The following ZMAT3 variants were observed in gnomAD, a reference collection of about 807,000 sequenced individuals.
The protein encoded by ZMAT3 is zinc finger matrin-type 3, also known as zinc finger matrin-type protein 3.
In ZMAT3, 17 loss-of-function variants were observed where a neutral mutation model predicts 32.3. The ratio of observed to expected loss-of-function variants is 0.53; its 90% CI spans 0.36 to 0.79. The LOEUF is 0.79. Ranked by LOEUF, ZMAT3 falls within the 30% of genes least tolerant of loss-of-function variation. The probability of loss-of-function intolerance (pLI) is 0.00; values close to 1 mark genes in which losing one functional copy is unlikely to be tolerated. For missense variants in ZMAT3, 329 were observed against 359.7 expected (o/e 0.91, Z 0.69); for synonymous variants, 120 against 133.1 (o/e 0.90, Z 0.68).
At chr3:179,052,542 T>C (rs532766208) in intron 2 of ZMAT3, among the ~76,000 whole-genome samples, 2 of 152,332 alleles carry the variant, frequency 1.3e-5, no homozygotes, top group East Asian at 1.9e-4. Context: ...TTTACACTAT[T>C]GTTAGGAATG....
chr3:179,032,291 C>A (rs1202944588), intron 2 of ZMAT3, among the ~76,000 whole-genome samples: 1 of 151,908 alleles, frequency 6.6e-6, no homozygotes, highest in Non-Finnish European at 1.5e-5. Flanking sequence ...GACAGAGTCT[C>A]GCTCACTCAG....
chr3:179,049,990 T>TAAA (rs1720458511), intron 2 of ZMAT3, among the ~76,000 whole-genome samples: 1 of 6,086 alleles, frequency 1.6e-4, no homozygotes, highest in Non-Finnish European at 3.0e-4. Flanking sequence ...AGACTCCGTC[T>TAAA]CAAAAAAAAA....
intron 2 of ZMAT3, among the ~76,000 whole-genome samples, chr3:179,066,739 G>T (rs940971537): frequency 1.3e-5 from 2 of 152,132 alleles, no homozygotes; most frequent in Non-Finnish European, 2.9e-5. Flanking sequence ...ATATTGTACC[G>T]TCTCTTGCTA....
At chr3:179,065,058 C>G (rs997222456) in intron 2 of ZMAT3, among the ~76,000 whole-genome samples, 2 of 152,142 alleles carry the variant, frequency 1.3e-5, no homozygotes, top group African/African-American at 4.8e-5. Flanking sequence ...TAAGAGTTAC[C>G]AATAACATCA....
intron 3 of ZMAT3, 80 bp downstream of exon 3, chr3:179,030,800 C>A: frequency 6.6e-7 from 1 of 1,524,298 alleles, no homozygotes; most frequent in Non-Finnish European, 8.8e-7. Flanking sequence ...GACACATGGA[C>A]GACAAATGTC....
At chr3:179,053,480 A>T (rs2108572922) in intron 2 of ZMAT3, among the ~76,000 whole-genome samples, 1 of 152,314 alleles carries the variant, frequency 6.6e-6, no homozygotes, top group Non-Finnish European at 1.5e-5. Flanking sequence ...GCAGACAAGA[A>T]TCATCACTGA....
chr3:179,036,727 G>A (rs1719612760), intron 2 of ZMAT3, among the ~76,000 whole-genome samples: 1 of 152,108 alleles, frequency 6.6e-6, no homozygotes, highest in Non-Finnish European at 1.5e-5. Context: ...AAGAGACAGT[G>A]CAATGTGTGG....
At chr3:179,053,503 T>C (rs150029896) in intron 2 of ZMAT3, among the ~76,000 whole-genome samples, 2 of 152,138 alleles carry the variant, frequency 1.3e-5, no homozygotes, top group Admixed American at 6.6e-5. Context: ...AAAACTATGA[T>C]GAGAAATAAA....
chr3:179,047,215 G>C (rs1032200982), intron 2 of ZMAT3, among the ~76,000 whole-genome samples: 6 of 152,156 alleles, frequency 3.9e-5, no homozygotes, highest in Non-Finnish European at 7.4e-5. Context: ...CCAACCCAGA[G>C]CCCAGTAGCT....
At chr3:179,050,289 G>C (rs1272843762) in intron 2 of ZMAT3, among the ~76,000 whole-genome samples, 3 of 152,008 alleles carry the variant, frequency 2.0e-5, no homozygotes, top group African/African-American at 7.2e-5. Context: ...AATGAAATGG[G>C]AGATATTACA....
At position 179,017,245 on chromosome 3, in the gene ZMAT3, C is replaced by T. The variant is rs556805854; in HGVS notation, c.*7772G>A. ...CAATTTTCAGACAAGACTCAGAAAC[C>T]GTTTTATTAAACTGGAACACAAAAT... On this transcript the variant is annotated 3_prime_UTR_variant, in exon 6 of 6. Coordinates refer to ENST00000311417, the MANE Select transcript of ZMAT3 (RefSeq NM_022470.4). 1 of 152,188 alleles carries T rather than the reference C, an allele frequency of 6.6e-6. No homozygotes were observed. Among genetic ancestry groups the T allele is most frequent in the East Asian group, 1.9e-4 (1 of 5,180 alleles). 9.4% of individuals were successfully genotyped at this position (152,188 alleles called of 1,614,324 possible).
chr3:179,051,827 G>C (rs1028538505), intron 2 of ZMAT3, among the ~76,000 whole-genome samples: 3 of 152,092 alleles, frequency 2.0e-5, no homozygotes, highest in African/African-American at 7.2e-5. Flanking sequence ...TATAAAAACA[G>C]GCATTTAGAC....
chr3:179,050,370 AC>A (rs199842974), intron 2 of ZMAT3, among the ~76,000 whole-genome samples: 2,266 of 152,296 alleles, frequency 0.015, 23 homozygotes, highest in Non-Finnish European at 0.022. Context: ...AAACTAGAAA[AC>A]CTAAAGGAGA....
chr3:179,055,476 C>A (rs1355846869), intron 2 of ZMAT3, among the ~76,000 whole-genome samples: 1 of 143,742 alleles, frequency 7.0e-6, no homozygotes, highest in East Asian at 2.2e-4. Flanking sequence ...ACCCCAGCGT[C>A]CCCTCCCCGA....
At position 179,046,064 on chromosome 3, in the gene ZMAT3, T is replaced by C. The variant is rs944935632; in HGVS notation, c.271-15065A>G. Among the ~76,000 whole-genome samples, 1 of 152,172 alleles carries C rather than the reference T, an allele frequency of 6.6e-6. No individual in the cohort carries two copies. The highest frequency in any genetic ancestry group is 2.4e-5 in the African/African-American group (1 of 41,420). On this transcript the variant is annotated intron_variant, in intron 2 of 5. Coordinates refer to ENST00000311417, the MANE Select transcript of ZMAT3 (RefSeq NM_022470.4). The surrounding 1 kb of genome is among the most constrained non-coding windows in gnomAD (Gnocchi z 4.3). ...TGACAGGGAGCAGAGAAATCCGGCATGCAGCTAGACAGAGAAATGGGATCA... is the reference window on the plus strand; with the variant it reads ...TGACAGGGAGCAGAGAAATCCGGCACGCAGCTAGACAGAGAAATGGGATCA...
chr3:179,028,507 G>A (rs61798177), intron 3 of ZMAT3, among the ~76,000 whole-genome samples: 1 of 152,220 alleles, frequency 6.6e-6, no homozygotes, highest in East Asian at 1.9e-4. Context: ...ATCAGCAACA[G>A]TTGCAGAAAA....
intron 2 of ZMAT3, among the ~76,000 whole-genome samples, chr3:179,044,719 T>C (rs897640662): frequency 3.3e-5 from 5 of 152,150 alleles, no homozygotes; most frequent in African/African-American, 4.8e-5. Flanking sequence ...GATGAGTTCA[T>C]GTCCTTTGCA....
rs1718743879 is a variant in ZMAT3, at chr3:179,024,453, A to G, written c.*564T>C. 1 of 154,550 alleles carries G rather than the reference A, an allele frequency of 6.5e-6. No individual in the cohort carries two copies. The highest frequency in any genetic ancestry group is 2.4e-5 in the African/African-American group (1 of 41,348). The allele number at this position is 154,550 out of a possible 1,614,324, so 9.6% of individuals were successfully genotyped here. On this transcript the variant is annotated 3_prime_UTR_variant, in exon 6 of 6. Transcript: ENST00000311417. ...TCAATACAATTCTTTAACAGTACAT[A>G]AAACTACAATTGCAAAAGAAAATGG...
intron 2 of ZMAT3, among the ~76,000 whole-genome samples, chr3:179,048,887 G>A (rs574138606): frequency 2.9e-4 from 44 of 151,984 alleles, no homozygotes; most frequent in African/African-American, 6.8e-4. Context: ...ATGGCAAAAC[G>A]GATAAGAATT....
Sources: allele counts gnomAD v4.1 joint callset (sites outside exome capture counted in the v4.1 genomes callset), GRCh38; gene constraint gnomAD v4.1.1; non-coding constraint Gnocchi (gnomAD v3.1); transcripts MANE v1.5; gene names NCBI Gene and HGNC (gene_info 2026-07-23, HGNC 2026-07-21).